NHSL3: variants seen among roughly 807,000 people sequenced by gnomAD.
NHSL3 encodes NHS like 3, also known as NHS-like protein 3.
chr1:32,750,714 G>C, the NHSL3 span, among the ~76,000 whole-genome samples: 2 of 151,908 alleles, frequency 1.3e-5, no homozygotes, highest in Non-Finnish European at 2.9e-5. Flanking sequence ...CACCATGTTG[G>C]CCAGGCTGGT....
chr1:32,747,246 C>T, the NHSL3 span, among the ~76,000 whole-genome samples: 36 of 150,750 alleles, frequency 2.4e-4, no homozygotes, highest in Admixed American at 2.0e-3. Flanking sequence ...CGTGCAGTGG[C>T]GAGATCTCAG....
the NHSL3 span, chr1:32,771,376 C>T: frequency 6.0e-6 from 9 of 1,503,196 alleles, no homozygotes; most frequent in Non-Finnish European, 8.2e-6. Flanking sequence ...CCCACCTTCC[C>T]CACCCCCATC....
chr1:32,759,795 C>T, the NHSL3 span, among the ~76,000 whole-genome samples: 1 of 152,150 alleles, frequency 6.6e-6, no homozygotes, highest in African/African-American at 2.4e-5. Flanking sequence ...GGAGTGAGAC[C>T]CAGGTTCAAC....
chr1:32,752,938 CACACACACACACAT>C, the NHSL3 span, among the ~76,000 whole-genome samples: 29 of 38,416 alleles, frequency 7.5e-4, 1 homozygote, highest in African/African-American at 3.2e-3. Flanking sequence ...CACACACACA[CACACACACACACAT>C]ATATATATAT....
At chr1:32,772,610 A>T in the NHSL3 span, among the ~76,000 whole-genome samples, 2 of 152,154 alleles carry the variant, frequency 1.3e-5, no homozygotes, top group African/African-American at 2.4e-5. Flanking sequence ...ATGGTGTGTG[A>T]GTGTCAGGCC....
At chr1:32,764,392 T>C in the NHSL3 span, among the ~76,000 whole-genome samples, 2 of 152,250 alleles carry the variant, frequency 1.3e-5, no homozygotes, top group African/African-American at 4.8e-5. Flanking sequence ...AAAGTTCTTC[T>C]CCATTAACTA....
chr1:32,757,439 A>G, the NHSL3 span, among the ~76,000 whole-genome samples: 1 of 151,390 alleles, frequency 6.6e-6, no homozygotes, highest in Admixed American at 6.6e-5. Flanking sequence ...AGGGCTGGGG[A>G]CAGGGTGGGG....
chr1:32,758,585 G>GGCT, the NHSL3 span, among the ~76,000 whole-genome samples: 1 of 151,968 alleles, frequency 6.6e-6, no homozygotes, highest in Non-Finnish European at 1.5e-5. Context: ...CCAGATAAGA[G>GGCT]GCTGGTCCAG....
the NHSL3 span, among the ~76,000 whole-genome samples, chr1:32,757,491 G>A: frequency 4.6e-5 from 7 of 152,066 alleles, no homozygotes; most frequent in Admixed American, 1.3e-4. Context: ...GAGACACTTC[G>A]GAGGAAGTGG....
At chr1:32,745,557 CAAA>C in the NHSL3 span, among the ~76,000 whole-genome samples, 23 of 91,394 alleles carry the variant, frequency 2.5e-4, no homozygotes, top group Middle Eastern at 4.7e-3. Context: ...GACTAGGTCT[CAAA>C]AAAAAAAAAA....
the NHSL3 span, chr1:32,754,224 C>T: frequency 1.4e-6 from 1 of 704,408 alleles, no homozygotes; most frequent in South Asian, 1.5e-5. Flanking sequence ...AGGAGGGTCC[C>T]TACTGCGGTC....
the NHSL3 span, among the ~76,000 whole-genome samples, chr1:32,766,159 G>A: frequency 6.6e-6 from 1 of 152,122 alleles, no homozygotes; most frequent in Non-Finnish European, 1.5e-5. Context: ...TTCCTAGTGT[G>A]CCGGGGAGGA....
chr1:32,765,900 A>G, the NHSL3 span: 2 of 1,405,948 alleles, frequency 1.4e-6, no homozygotes, highest in Admixed American at 3.9e-5. Flanking sequence ...ATGTAGAATG[A>G]GGAATCAAGG....
chr1:32,758,385 T>C, the NHSL3 span, among the ~76,000 whole-genome samples: 6 of 152,106 alleles, frequency 3.9e-5, no homozygotes, highest in African/African-American at 1.4e-4. Context: ...AGTCAGACCA[T>C]CTGGAATTCT....
At chr1:32,751,138 G>A in the NHSL3 span, among the ~76,000 whole-genome samples, 5 of 152,078 alleles carry the variant, frequency 3.3e-5, no homozygotes, top group Non-Finnish European at 5.9e-5. Context: ...AGAGGGTCAC[G>A]AGGCATTCCA....
the NHSL3 span, chr1:32,771,997 A>C: frequency 6.2e-7 from 1 of 1,603,730 alleles, no homozygotes. Flanking sequence ...CAAGGCCTGC[A>C]GCCTGGCCGC....
the NHSL3 span, among the ~76,000 whole-genome samples, chr1:32,743,677 C>A: frequency 2.6e-5 from 4 of 152,216 alleles, no homozygotes; most frequent in African/African-American, 9.6e-5. Flanking sequence ...GACCTTTTTC[C>A]TCTGGGAGAC....
At chr1:32,742,176 G>C in the NHSL3 span, 1 of 1,247,920 alleles carries the variant, frequency 8.0e-7, no homozygotes, top group South Asian at 3.3e-5. Context: ...AGAGGGCCAA[G>C]GGCAAAGGCC....
the NHSL3 span, among the ~76,000 whole-genome samples, chr1:32,752,930 CACACACACACACACACACACATATAT>C: frequency 0.055 from 1,006 of 18,326 alleles, 50 homozygotes; most frequent in African/African-American, 0.11. Flanking sequence ...CACACACACA[CACACACACACACACACACACATATAT>C]ATATATATAT....
Sources: allele counts gnomAD v4.1 joint callset (sites outside exome capture counted in the v4.1 genomes callset), GRCh38; gene constraint gnomAD v4.1.1; transcripts MANE v1.5; gene names NCBI Gene and HGNC (gene_info 2026-07-23, HGNC 2026-07-21).